The following CARMIL3 variants were observed in gnomAD, a reference collection of about 807,000 sequenced individuals.
The protein encoded by CARMIL3 is capping protein regulator and myosin 1 linker 3, also known as capping protein, Arp2/3 and myosin-I linker protein 3.
A neutral mutation model predicts 180.8 loss-of-function variants in CARMIL3; 88 were observed. The ratio of observed to expected loss-of-function variants is 0.49; its 90% confidence interval spans 0.41 to 0.58. The LOEUF (loss-of-function observed/expected upper bound fraction) is 0.58. CARMIL3 is among the 20% of genes least tolerant of loss of function. CARMIL3 has a pLI of 0.00. For missense variants in CARMIL3, 1,548 were observed against 1,787.0 expected (o/e 0.87, Z 2.41); for synonymous variants, 696 against 714.5 (o/e 0.97, Z 0.41).
chr14:24,067,672 A>G (rs1180658884), intron 36 of CARMIL3, among the ~76,000 whole-genome samples: 1 of 152,268 alleles, frequency 6.6e-6, no homozygotes, highest in East Asian at 1.9e-4. Context: ...TCCATCCCAT[A>G]CACAGGCTAA....
chr14:24,055,183 A>T, intron 7 of CARMIL3, 47 bp downstream of exon 7: 1 of 1,613,996 alleles, frequency 6.2e-7, no homozygotes, highest in Non-Finnish European at 8.5e-7. Flanking sequence ...ACCTGGAGGG[A>T]AGGGGCTAAG....
At chr14:24,057,406 T>C (rs187606536) in intron 14 of CARMIL3, among the ~76,000 whole-genome samples, 162 bp downstream of exon 14, 2 of 152,316 alleles carry the variant, frequency 1.3e-5, no homozygotes, top group Non-Finnish European at 2.9e-5. Flanking sequence ...CATACCTGTG[T>C]GGCACTTTAT....
At chr14:24,052,891 G>A (rs1292674437) in intron 1 of CARMIL3, among the ~76,000 whole-genome samples, 2 of 152,146 alleles carry the variant, frequency 1.3e-5, no homozygotes, top group African/African-American at 4.8e-5. Flanking sequence ...CCACAACCCT[G>A]ACCCCCAGAG....
intron 12 of CARMIL3, 81 bp from the exon 13 acceptor site, chr14:24,056,834 T>C (rs1414966321): frequency 2.6e-6 from 4 of 1,537,854 alleles, no homozygotes; most frequent in East Asian, 2.3e-5. Flanking sequence ...GGAGCCACGT[T>C]TGGGGAGAGG....
intron 33 of CARMIL3, 62 bp from the exon 34 acceptor site, chr14:24,065,560 C>G: frequency 6.5e-7 from 1 of 1,544,992 alleles, no homozygotes; most frequent in East Asian, 2.3e-5. Context: ...TGACAACTCC[C>G]TCACAGCCTG....
Position 24,062,647 on chromosome 14 carries a change from C to T in CARMIL3, c.2569-62C>T, listed in dbSNP as rs1367992293. On this transcript the variant is annotated intron_variant, in intron 28 of 39. Transcript: ENST00000342740. ...ATCCTGTCTCCCTAATCACCCTCCC[C>T]TTCAAGGCCCTGGGAGGTGGGCAGC... 5 of 1,612,760 alleles carry T rather than the reference C, an allele frequency of 3.1e-6. No homozygotes were observed. The Admixed American group carries it at 5.0e-5, about 16-fold the overall frequency.
Position 24,056,977 on chromosome 14 carries a change from C to G in CARMIL3, c.1015C>G (p.Leu339Val). 1 of 1,614,072 alleles carries G rather than the reference C, an allele frequency of 6.2e-7. No individual in the cohort carries two copies. Among genetic ancestry groups the G allele is most frequent in the Non-Finnish European group, 8.5e-7 (1 of 1,179,978 alleles). ...NPAFASSLRY[L>V]DLSKNPGLLA... The stretch of plus-strand genomic sequence containing the variant: ...AGCATTTGCCAGCTCCCTTCGATAC[C>G]TGGACCTGAGCAAGAATCCTGGGCT... The change falls in exon 13 of 40, where the codon CTG becomes GTG. Residue 339 changes from leucine (L) to valine (V), a missense_variant. By Grantham distance (32) the Leu-to-Val change is conservative. Transcript: ENST00000342740.
chr14:24,064,322 G>C lies in CARMIL3; in HGVS notation c.3056G>C (p.Arg1019Pro). The change falls in exon 32 of 40, where the codon CGA becomes CCA. Residue 1019 changes from arginine to proline, a missense_variant. This residue lies in a region of CARMIL3 where 668 missense variants were observed against 687.8 expected (regional missense o/e 0.97). Coordinates refer to ENST00000342740, the MANE Select transcript of CARMIL3 (RefSeq NM_138360.4). ...LDEGLEDFFS[R>P]RVLEESSSYP... ...GAAGGGCTGGAGGACTTCTTCAGCC[G>C]AAGGGTCCTGGAGGAAAGTTCTAGG... The C allele has an allele frequency of 6.2e-7, 1 of 1,611,548 alleles. No individual in the cohort carries two copies.
At chr14:24,053,364 A>G (rs886963223) in intron 1 of CARMIL3, among the ~76,000 whole-genome samples, 11 of 152,038 alleles carry the variant, frequency 7.2e-5, no homozygotes, top group African/African-American at 2.7e-4. Flanking sequence ...TGTATGTGTC[A>G]ATGGCTGTTG....
chr14:24,064,884 G>A, intron 32 of CARMIL3, 74 bp from the exon 33 acceptor site: 5 of 1,479,196 alleles, frequency 3.4e-6, no homozygotes, highest in Non-Finnish European at 4.6e-6. Flanking sequence ...CAGATGAGAG[G>A]AAAGCAGGTT....
chr14:24,066,892 C>G (rs543044900), intron 36 of CARMIL3, among the ~76,000 whole-genome samples: 2 of 152,232 alleles, frequency 1.3e-5, no homozygotes, highest in Non-Finnish European at 2.9e-5. Context: ...CAAACAGGAG[C>G]GATGCTTTGT....
intron 2 of CARMIL3, 42 bp downstream of exon 2, chr14:24,053,845 A>G (rs1276386687): frequency 1.3e-6 from 2 of 1,547,104 alleles, no homozygotes; most frequent in African/African-American, 2.7e-5. Context: ...GGTGGCTGGC[A>G]AGGGCAGCTG....
Position 24,052,169 on chromosome 14 carries a change from G to A in CARMIL3, c.16G>A (p.Val6Met). Reference protein sequence around the residue: MAKPSVELTRELQDSI... With the variant: MAKPSMELTRELQDSI... ...AGCGGCCGCCATGGCCAAGCCCAGC[G>A]TGGAGCTCACCCGCGAGTTGCAAGG... is the stretch of plus-strand genomic sequence containing the variant. The change falls in exon 1 of 40, where the codon GTG becomes ATG. Residue 6 changes from valine to methionine, a missense_variant. This residue lies in a region of CARMIL3 where 578 missense variants were observed against 666.5 expected (regional missense o/e 0.87). Transcript: ENST00000342740. 1 of 1,591,538 alleles carries A rather than the reference G, an allele frequency of 6.3e-7. No individual in the cohort carries two copies.
Position 24,059,725 on chromosome 14 carries a change from C to T in CARMIL3, c.1861C>T (p.Leu621=), listed in dbSNP as rs1471255854. ...GGGCTTCCTGGACATCGCAAGGGCC[C>T]TGGAGAGGTGAGTAGACCATGGTCC... ...ALGFLDIARA[L]ESNHTLRFMS... The change falls in exon 22 of 40, where the codon CTG becomes TTG. Residue 621 remains leucine (L), a synonymous_variant. Transcript: ENST00000342740. The surrounding 1 kb of genome is among the most constrained non-coding windows in gnomAD (Gnocchi z 6.3). 1 of 1,614,096 alleles carries T rather than the reference C, an allele frequency of 6.2e-7. No individual in the cohort carries two copies. The highest frequency in any genetic ancestry group is 1.7e-5 in the Admixed American group (1 of 60,018).
intron 2 of CARMIL3, 65 bp downstream of exon 2, chr14:24,053,868 C>A: frequency 1.4e-6 from 2 of 1,430,066 alleles, no homozygotes; most frequent in South Asian, 1.3e-5. Context: ...CAGTAGAGGG[C>A]AGGGAGCCGG....
At position 24,064,822 on chromosome 14, in the gene CARMIL3, C is replaced by T. The variant is rs1028573673; in HGVS notation, c.3081-136C>T. The T allele has an allele frequency of 5.7e-6, 5 of 881,996 alleles. No individual in the cohort carries two copies. The African/African-American group carries it at 8.5e-5, about 15-fold the overall frequency. 54.6% of individuals were successfully genotyped at this position (881,996 alleles called of 1,614,324 possible). A position where few individuals can be genotyped will look rare whatever the true frequency, so the allele number is the denominator to read the frequency against. ...TACAACGGGACAGGAAAGGCAAGGG[C>T]ATCATCTCCCTGAGAACTAAGTGGA... is the stretch of plus-strand genomic sequence containing the variant. On this transcript the variant is annotated intron_variant, in intron 32 of 39. Coordinates refer to ENST00000342740, the MANE Select transcript of CARMIL3 (RefSeq NM_138360.4).
chr14:24,054,143 G>A lies in CARMIL3; in HGVS notation c.186+5G>A. The A allele has an allele frequency of 6.2e-7, 1 of 1,614,190 alleles. No individual in the cohort carries two copies. The highest frequency in any genetic ancestry group is 8.5e-7 in the Non-Finnish European group (1 of 1,180,020). On this transcript the variant is annotated splice_donor_5th_base_variant and intron_variant, in intron 3 of 39. Transcript: ENST00000342740. This position sits in a 1 kb window ranked among gnomAD's most constrained non-coding sequence, Gnocchi z 5.1. Reference sequence around the variant, plus strand: ...CTCCTTAAAGTCCCGGCCAAGGTGAGTTGGGCTGAGGAGCAGGAGAGCACC... The same window carrying A: ...CTCCTTAAAGTCCCGGCCAAGGTGAATTGGGCTGAGGAGCAGGAGAGCACC...
rs752457473 is a variant in CARMIL3 at position 24,061,455 on chromosome 14, C to G, written c.2305-42C>G. 2 of 1,589,078 alleles carry G rather than the reference C, an allele frequency of 1.3e-6. No individual in the cohort carries two copies. Among genetic ancestry groups the G allele is most frequent in the Non-Finnish European group, 1.7e-6 (2 of 1,165,150 alleles). On this transcript the variant is annotated intron_variant, in intron 26 of 39. Transcript: ENST00000342740. This position sits in a 1 kb window ranked among gnomAD's most constrained non-coding sequence, Gnocchi z 4.1. ...TTCTGCTGTGGTGCCAGCCCTGATCCTGTCCCCCTTGGGCCTCTGGCCTCC... is the reference window on the plus strand; with the variant it reads ...TTCTGCTGTGGTGCCAGCCCTGATCGTGTCCCCCTTGGGCCTCTGGCCTCC...
chr14:24,068,979 G>A lies in CARMIL3; in HGVS notation c.3982+13G>A. ...CCCGAAGTCCAAGGTCTGCCACCCT[G>A]GCTGAGTGGGGGGCTCAGGGCACCT... On this transcript the variant is annotated intron_variant, in intron 38 of 39. Transcript: ENST00000342740. 1.3e-6 allele frequency: 2 copies of A among 1,544,022 alleles called. No homozygotes were observed. Among genetic ancestry groups the A allele is most frequent in the African/African-American group, 1.4e-5 (1 of 73,226 alleles).
Sources: gnomAD v4.1 joint callset for allele counts (sites outside exome capture counted in the v4.1 genomes callset) on GRCh38, gnomAD v4.1.1 for gene constraint, gnomAD v4.1.1 regional missense constraint, Gnocchi (gnomAD v3.1) non-coding constraint, MANE v1.5 for transcripts, NCBI Gene and HGNC (gene_info 2026-07-23, HGNC 2026-07-21) for gene names.